GABRA6: variants seen among roughly 807,000 people sequenced by gnomAD.
GABRA6 encodes gamma-aminobutyric acid type A receptor subunit alpha6, also known as gamma-aminobutyric acid receptor subunit alpha-6.
GABRA6 carries 45 observed loss-of-function variants against 47.3 expected under a neutral mutation model. The ratio of observed to expected loss-of-function variants is 0.95; its 90% confidence interval spans 0.75 to 1.22. The LOEUF is 1.22. Among genes scored for constraint, GABRA6 ranks in the 50% most tolerant of loss-of-function variants. The probability of loss-of-function intolerance (pLI) is 0.00; values close to 1 mark genes in which losing one functional copy is unlikely to be tolerated. For synonymous variants in GABRA6, 219 were observed against 194.7 expected (o/e 1.12, Z -1.04); for missense variants, 583 against 549.3 (o/e 1.06, Z -0.61).
intron 6 of GABRA6, 91 bp from the exon 7 acceptor site, chr5:161,690,110 T>A: frequency 8.2e-7 from 1 of 1,224,412 alleles, no homozygotes; most frequent in South Asian, 1.2e-5. Flanking sequence ...CCAGTCAATG[T>A]TAATTTAAAA....
At chr5:161,691,164 A>G (rs1416701017) in intron 7 of GABRA6, among the ~76,000 whole-genome samples, 1 of 152,026 alleles carries the variant, frequency 6.6e-6, no homozygotes, top group Admixed American at 6.5e-5. Flanking sequence ...AAATCTAGCT[A>G]GAAACACAAA....
chr5:161,689,402 T>G, intron 5 of GABRA6, 66 bp downstream of exon 5: 1 of 1,357,590 alleles, frequency 7.4e-7, no homozygotes, highest in Non-Finnish European at 1.1e-6. Context: ...TTGGTTTTAG[T>G]TGATACTGGA....
chr5:161,685,954 T>C lies in GABRA6; in HGVS notation c.-36T>C. ...AGCTGGCTAGCAGGGAGGACGACCC[T>C]AGGAGGGTGAATTCTGCATTTCAGT... On this transcript the variant is annotated 5_prime_UTR_variant, in exon 1 of 9. Coordinates refer to ENST00000274545, the MANE Select transcript of GABRA6 (RefSeq NM_000811.3). 3.7e-6 allele frequency: 6 copies of C among 1,602,976 alleles called. No individual in the cohort carries two copies. The highest frequency in any genetic ancestry group is 5.1e-6 in the Non-Finnish European group (6 of 1,169,846).
chr5:161,701,849 G>C lies in GABRA6; in HGVS notation c.*76G>C. 2 of 1,440,156 alleles carry C rather than the reference G, an allele frequency of 1.4e-6. No homozygotes were observed. The highest frequency in any genetic ancestry group is 1.9e-6 in the Non-Finnish European group (2 of 1,025,730). 89.2% of individuals were successfully genotyped at this position (1,440,156 alleles called of 1,614,324 possible). A position where few individuals can be genotyped will look rare whatever the true frequency, so the allele number is the denominator to read the frequency against. On this transcript the variant is annotated 3_prime_UTR_variant, in exon 9 of 9. Transcript: ENST00000274545. Reference sequence around the variant, plus strand: ...ATGTTTTCTTAAAAAATAGCATTGAGACTTGTGTAGATGCTTCTCAGAACA... The same window carrying C: ...ATGTTTTCTTAAAAAATAGCATTGACACTTGTGTAGATGCTTCTCAGAACA...
Position 161,701,541 on chromosome 5 carries a change from T to C in GABRA6, c.1130T>C (p.Leu377Pro), listed in dbSNP as rs778218803. 1.9e-6 allele frequency: 3 copies of C among 1,614,220 alleles called. No homozygotes were observed. The South Asian group carries it at 3.3e-5, about 18-fold the overall frequency. Residue 377 changes from leucine to proline, a missense_variant, in exon 9 of 9, where the codon CTG (leucine) becomes CCG (proline). Physicochemically the swap from Leu to Pro is moderately conservative, Grantham distance 98. Transcript: ENST00000274545. ...CATCTGAAGAAAAGGATCACTTCTCTGTCTTTGCCAATAGTTTCATCTTCC... is the reference window on the plus strand; with the variant it reads ...CATCTGAAGAAAAGGATCACTTCTCCGTCTTTGCCAATAGTTTCATCTTCC... ...KYHLKKRITS[L>P]SLPIVSSSEA...
In GABRA6 at chr5:161,692,103, T is replaced by G. The variant is rs772804018; in HGVS notation, c.989T>G (p.Leu330Arg). The stretch of plus-strand genomic sequence containing the variant: ...GCAGCTGTCAACTACTTTACCAATC[T>G]TCAGACACAGAAGGCCAAAAGGAAG... ...EFAAVNYFTN[L>R]QTQKAKRKAQ... Residue 330 changes from leucine (L) to arginine (R), a missense_variant, in exon 8 of 9, where the codon CTT becomes CGT. Transcript: ENST00000274545. 1.1e-5 allele frequency: 18 copies of G among 1,614,042 alleles called. No individual in the cohort carries two copies. Among genetic ancestry groups the G allele is most frequent in the Non-Finnish European group, 1.4e-5 (17 of 1,180,018 alleles).
chr5:161,692,325 G>C, intron 8 of GABRA6, 125 bp downstream of exon 8: 1 of 1,095,460 alleles, frequency 9.1e-7, no homozygotes, highest in South Asian at 1.3e-5. Flanking sequence ...GTAGTTTCAA[G>C]AGCAAGGCCA....
chr5:161,702,222 A>T lies in GABRA6; in HGVS notation c.*449A>T, dbSNP rs187937524. 2.2e-4 allele frequency: 40 copies of T among 178,448 alleles called. 1 individual carries two copies. Among genetic ancestry groups the T allele is most frequent in the Admixed American group, 2.0e-3 (37 of 18,166 alleles). The allele number at this position is 178,448 out of a possible 1,614,324, so 11.1% of individuals were successfully genotyped here. A position where few individuals can be genotyped will look rare whatever the true frequency, so the allele number is the denominator to read the frequency against. On this transcript the variant is annotated 3_prime_UTR_variant, in exon 9 of 9. Coordinates refer to ENST00000274545, the MANE Select transcript of GABRA6 (RefSeq NM_000811.3). ...TCTAAATATTTATCAGTAGGTTAAT[A>T]CCAGCATGTTGGAGGCCTTTATGCT...
At chr5:161,692,297 A>G in intron 8 of GABRA6, 97 bp downstream of exon 8, 1 of 1,435,642 alleles carries the variant, frequency 7.0e-7, no homozygotes, top group Non-Finnish European at 9.8e-7. Flanking sequence ...ATGTGAGTTG[A>G]GCACAGGTTA....
intron 2 of GABRA6, 78 bp from the exon 3 acceptor site, chr5:161,686,858 G>T (rs1488504607): frequency 5.7e-6 from 7 of 1,222,656 alleles, no homozygotes; most frequent in Non-Finnish European, 8.5e-6. Flanking sequence ...TAAGTAAGGG[G>T]TTTGGTGGTA....
chr5:161,687,003 GGTGA>G lies in GABRA6; in HGVS notation c.225+3_225+6del, dbSNP rs1754713794. 1 of 1,613,640 alleles carries G rather than the reference GGTGA, an allele frequency of 6.2e-7. No homozygotes were observed. On this transcript the variant is annotated splice_donor_variant and splice_donor_region_variant and intron_variant, in intron 3 of 8. Coordinates refer to ENST00000274545, the MANE Select transcript of GABRA6 (RefSeq NM_000811.3). LOFTEE classifies it high-confidence loss of function. ...TTGGGCCCGTGTCAGATGTGGAGATGGTGAGTAAGTTCTAAGTGAGTTGGGTGTT... is the reference window on the plus strand; with the variant it reads ...TTGGGCCCGTGTCAGATGTGGAGATGGTAAGTTCTAAGTGAGTTGGGTGTT...
At chr5:161,698,314 A>T (rs1754918477) in intron 8 of GABRA6, among the ~76,000 whole-genome samples, 4 of 152,194 alleles carry the variant, frequency 2.6e-5, no homozygotes, top group Admixed American at 2.6e-4. Flanking sequence ...AACTAGGCAG[A>T]AAAATGCATA....
Position 161,698,566 on chromosome 5 carries a change from T to C in GABRA6, c.1087-2932T>C, listed in dbSNP as rs1350084377. On this transcript the variant is annotated intron_variant, in intron 8 of 8. Coordinates refer to ENST00000274545, the MANE Select transcript of GABRA6 (RefSeq NM_000811.3). ...TGTATATATATACACATATATATGT[T>C]TGTGTATATATCTTTAAATCATGCC... Among the ~76,000 whole-genome samples, 3 of 152,102 alleles carry C rather than the reference T, an allele frequency of 2.0e-5. No homozygotes were observed. In the East Asian group the frequency reaches 5.8e-4, roughly 29 times the overall value.
At chr5:161,691,485 C>T (rs991858965) in intron 7 of GABRA6, among the ~76,000 whole-genome samples, 3 of 151,382 alleles carry the variant, frequency 2.0e-5, no homozygotes, top group Non-Finnish European at 4.4e-5. Flanking sequence ...TTAGTAGAGA[C>T]GGGGTTTCAC....
chr5:161,701,044 G>A (rs557074534), intron 8 of GABRA6, among the ~76,000 whole-genome samples: 15 of 152,234 alleles, frequency 9.9e-5, no homozygotes, highest in African/African-American at 2.9e-4. Flanking sequence ...GAAGAATGGC[G>A]TCAATAAACC....
chr5:161,692,870 T>C (rs1324741869), intron 8 of GABRA6, among the ~76,000 whole-genome samples: 2 of 152,182 alleles, frequency 1.3e-5, no homozygotes, highest in African/African-American at 2.4e-5. Flanking sequence ...AAGAAACAAA[T>C]GGTAACATTA....
Position 161,686,136 on chromosome 5 carries a change from G to A in GABRA6, c.39-94G>A. ...AATCATGAAAGAGGCCAGAAGTGGT[G>A]TTGCATGTATTTGTAACAGGGTGGA... On this transcript the variant is annotated intron_variant, in intron 1 of 8. Coordinates refer to ENST00000274545, the MANE Select transcript of GABRA6 (RefSeq NM_000811.3). 6.6e-6 allele frequency: 9 copies of A among 1,368,576 alleles called. No homozygotes were observed. In the South Asian group the frequency reaches 1.0e-4, roughly 16 times the overall value. 84.8% of individuals were successfully genotyped at this position (1,368,576 alleles called of 1,614,324 possible). A position where few individuals can be genotyped will look rare whatever the true frequency, so the allele number is the denominator to read the frequency against.
At chr5:161,697,667 C>T (rs1419911748) in intron 8 of GABRA6, among the ~76,000 whole-genome samples, 1 of 152,108 alleles carries the variant, frequency 6.6e-6, no homozygotes, top group Non-Finnish European at 1.5e-5. Context: ...CTCTACATCC[C>T]AGGACACAGA....
At chr5:161,689,831 A>G in intron 6 of GABRA6, 52 bp downstream of exon 6, 2 of 1,525,356 alleles carry the variant, frequency 1.3e-6, no homozygotes, top group South Asian at 1.1e-5. Flanking sequence ...ACTCCAGTGC[A>G]CATTTTCAAA....
Sources: allele counts gnomAD v4.1 joint callset (sites outside exome capture counted in the v4.1 genomes callset), GRCh38; gene constraint gnomAD v4.1.1; transcripts MANE v1.5; gene names NCBI Gene and HGNC (gene_info 2026-07-23, HGNC 2026-07-21).